ZDHHC2: variants seen among roughly 807,000 people sequenced by gnomAD.
ZDHHC2 encodes the protein zDHHC palmitoyltransferase 2.
ZDHHC2 carries 51 observed loss-of-function variants against 55.6 expected under a neutral mutation model. The ratio of observed to expected loss-of-function variants is 0.92; its 90% CI spans 0.73 to 1.16. The LOEUF is 1.16. ZDHHC2 is among the 50% of genes most tolerant of loss of function. ZDHHC2 has a pLI of 0.00. For synonymous variants in ZDHHC2, 199 were observed against 152.9 expected (o/e 1.30, Z -2.22); for missense variants, 491 against 442.4 (o/e 1.11, Z -0.99).
At chr8:17,207,261 A>G (rs754986685) in intron 7 of ZDHHC2, among the ~76,000 whole-genome samples, 1 of 152,204 alleles carries the variant, frequency 6.6e-6, no homozygotes. Flanking sequence ...CATAGCCCCA[A>G]GCCCTCCATT....
chr8:17,200,691 T>C (rs1806714431), intron 6 of ZDHHC2, among the ~76,000 whole-genome samples: 1 of 152,252 alleles, frequency 6.6e-6, no homozygotes, highest in Non-Finnish European at 1.5e-5. Context: ...CCTCATGAGA[T>C]ACTTACAGTC....
At chr8:17,218,874 T>C (rs1807771198) in intron 12 of ZDHHC2, among the ~76,000 whole-genome samples, 1 of 152,212 alleles carries the variant, frequency 6.6e-6, no homozygotes, top group African/African-American at 2.4e-5. Flanking sequence ...TTTTTCCTGC[T>C]TTACATCTCA....
intron 3 of ZDHHC2, among the ~76,000 whole-genome samples, chr8:17,193,507 C>G (rs954276331): frequency 2.6e-5 from 4 of 152,236 alleles, no homozygotes; most frequent in African/African-American, 9.6e-5. Context: ...AGCATTGGGT[C>G]TCGCCCAAGG....
chr8:17,192,549 A>C (rs771801837), intron 3 of ZDHHC2, among the ~76,000 whole-genome samples: 2 of 152,164 alleles, frequency 1.3e-5, no homozygotes, highest in Non-Finnish European at 2.9e-5. Flanking sequence ...GGAGTTGCCA[A>C]ATACTTTCTC....
chr8:17,178,500 T>G (rs1805265745), intron 1 of ZDHHC2, among the ~76,000 whole-genome samples: 1 of 152,208 alleles, frequency 6.6e-6, no homozygotes, highest in African/African-American at 2.4e-5. Context: ...AGTAAATATT[T>G]TAGGCTTTGC....
At chr8:17,164,152 C>T (rs1270616502) in intron 1 of ZDHHC2, among the ~76,000 whole-genome samples, 2 of 152,154 alleles carry the variant, frequency 1.3e-5, no homozygotes, top group East Asian at 3.9e-4. Context: ...GATAATATCA[C>T]ACTTTATATC....
chr8:17,172,612 A>G (rs966473), intron 1 of ZDHHC2, among the ~76,000 whole-genome samples: 66,482 of 152,102 alleles, frequency 0.44, 17,632 homozygotes, highest in Non-Finnish European at 0.61. Context: ...ATAATAATAA[A>G]GAAATGCTGA....
rs760973048 is a variant in ZDHHC2 at position 17,210,424 on chromosome 8, T to A, written c.894T>A (p.Val298=). 1 of 1,613,490 alleles carries A rather than the reference T, an allele frequency of 6.2e-7. No homozygotes were observed. Among genetic ancestry groups the A allele is most frequent in the Non-Finnish European group, 8.5e-7 (1 of 1,179,660 alleles). ...GDGCSFPTCL[V]NQDPEQASTP... is the part of the protein sequence containing the mutation. Reference sequence around the variant, plus strand: ...GCTGCTCCTTTCCAACTTGCCTTGTTAACCAGGATCCTGAACAAGCATCTA... The same window carrying A: ...GCTGCTCCTTTCCAACTTGCCTTGTAAACCAGGATCCTGAACAAGCATCTA... Residue 298 remains valine (V), a synonymous_variant, in exon 10 of 13, where the codon GTT becomes GTA. Transcript: ENST00000262096.
Position 17,195,673 on chromosome 8 carries a change from T to G in ZDHHC2, c.373+49T>G, listed in dbSNP as rs147653436. 9.4e-5 allele frequency: 151 copies of G among 1,607,200 alleles called. 2 individuals are homozygous for G. In the Middle Eastern group the frequency reaches 1.2e-3, roughly 12 times the overall value. The stretch of plus-strand genomic sequence containing the variant: ...TGCAATGGTATGCAAATAACATCAT[T>G]AAGGTGACTGTAAGAAAGTGTGTTT... On this transcript the variant is annotated intron_variant, in intron 4 of 12. Transcript: ENST00000262096.
At chr8:17,163,982 G>C (rs1296592499) in intron 1 of ZDHHC2, among the ~76,000 whole-genome samples, 1 of 152,070 alleles carries the variant, frequency 6.6e-6, no homozygotes, top group East Asian at 1.9e-4. Flanking sequence ...TAATTGTCTT[G>C]ATTGTTGTTT....
chr8:17,191,924 A>G (rs537496179), intron 3 of ZDHHC2, among the ~76,000 whole-genome samples: 2 of 152,298 alleles, frequency 1.3e-5, no homozygotes, highest in South Asian at 4.1e-4. Flanking sequence ...TCTCACCAAC[A>G]GTATACAAGG....
chr8:17,191,975 C>T (rs981945387), intron 3 of ZDHHC2, among the ~76,000 whole-genome samples: 1 of 151,894 alleles, frequency 6.6e-6, no homozygotes, highest in South Asian at 2.1e-4. Flanking sequence ...TTGTTATTGC[C>T]TTTATTTTAC....
At chr8:17,203,679 A>G (rs1806931363) in intron 6 of ZDHHC2, among the ~76,000 whole-genome samples, 2 of 152,146 alleles carry the variant, frequency 1.3e-5, no homozygotes, top group Non-Finnish European at 2.9e-5. Context: ...ATTTCCTGCC[A>G]TGATTCCATT....
chr8:17,212,278 C>T (rs1309325097), intron 10 of ZDHHC2, among the ~76,000 whole-genome samples: 1 of 152,186 alleles, frequency 6.6e-6, no homozygotes, highest in East Asian at 1.9e-4. Context: ...CTACTTGACA[C>T]ACCCACTTGG....
intron 10 of ZDHHC2, among the ~76,000 whole-genome samples, chr8:17,210,917 T>C (rs1395139874): frequency 2.0e-5 from 3 of 152,172 alleles, no homozygotes; most frequent in South Asian, 2.1e-4. Flanking sequence ...AGACACCTTC[T>C]TGACAACTCC....
At chr8:17,174,310 G>C (rs1448708020) in intron 1 of ZDHHC2, among the ~76,000 whole-genome samples, 7 of 152,140 alleles carry the variant, frequency 4.6e-5, no homozygotes, top group African/African-American at 1.7e-4. Flanking sequence ...AGAAATGTGA[G>C]AACATAGATT....
chr8:17,200,571 A>G (rs1585716063), intron 6 of ZDHHC2, among the ~76,000 whole-genome samples: 1 of 152,252 alleles, frequency 6.6e-6, no homozygotes, highest in African/African-American at 2.4e-5. Context: ...AAATCAGGTC[A>G]GTACATACCT....
At position 17,183,647 on chromosome 8, in the gene ZDHHC2, A is replaced by C. The variant is rs74770944; in HGVS notation, c.131-1142A>C. 5.9e-3 allele frequency among the ~76,000 whole-genome samples: 896 copies of C among 152,338 alleles called. 46 individuals carry two copies. The East Asian group carries it at 0.14, about 25-fold the overall frequency. On this transcript the variant is annotated intron_variant, in intron 1 of 12. Coordinates refer to ENST00000262096, the MANE Select transcript of ZDHHC2 (RefSeq NM_016353.5). Reference sequence around the variant, plus strand: ...GTAAACTAGAACATTTAAGGGGGACACTATAACATCAAATATGTGAAGATC... The same window carrying C: ...GTAAACTAGAACATTTAAGGGGGACCCTATAACATCAAATATGTGAAGATC...
Position 17,221,023 on chromosome 8 carries a change from G to T in ZDHHC2, c.*802G>T, listed in dbSNP as rs1010527811. On this transcript the variant is annotated 3_prime_UTR_variant, in exon 13 of 13. Coordinates refer to ENST00000262096, the MANE Select transcript of ZDHHC2 (RefSeq NM_016353.5). ...GAAGATTGTTTTATGACATTCTTTT[G>T]TCAGTTTGGCTTTCTAAAAATCTCT... 6.6e-6 allele frequency: 1 copy of T among 152,322 alleles called. No individual in the cohort carries two copies. The highest frequency in any genetic ancestry group is 3.4e-3 in the Middle Eastern group (1 of 294). 9.4% of individuals were successfully genotyped at this position (152,322 alleles called of 1,614,324 possible). A position where few individuals can be genotyped will look rare whatever the true frequency, so the allele number is the denominator to read the frequency against.
Sources: allele counts gnomAD v4.1 joint callset (sites outside exome capture counted in the v4.1 genomes callset), GRCh38; gene constraint gnomAD v4.1.1; transcripts MANE v1.5; gene names NCBI Gene and HGNC (gene_info 2026-07-23, HGNC 2026-07-21).